FOXP2: variants seen among roughly 807,000 people sequenced by gnomAD.
FOXP2 encodes forkhead box P2, also known as forkhead box protein P2.
FOXP2 carries 12 observed loss-of-function variants against 115.8 expected under a neutral mutation model. The ratio of observed to expected loss-of-function variants is 0.10; its 90% CI spans 0.07 to 0.17. The LOEUF (loss-of-function observed/expected upper bound fraction) is 0.17. Ranked by LOEUF, FOXP2 falls within the 10% of genes least tolerant of loss-of-function variation. The pLI is 1.00. For missense variants in FOXP2, 629 were observed against 843.5 expected, an observed-to-expected ratio of 0.75 and a Z score of 3.15; for synonymous variants, 328 against 297.7, an observed-to-expected ratio of 1.10 and a Z score of -1.05.
intron 3 of FOXP2, among the ~76,000 whole-genome samples, chr7:114,540,081 G>T (rs938141183): frequency 2.6e-5 from 4 of 151,924 alleles, no homozygotes; most frequent in African/African-American, 9.7e-5. Flanking sequence ...CAGGAAATTG[G>T]TATTTAATTC....
intron 1 of FOXP2, among the ~76,000 whole-genome samples, chr7:114,111,715 A>T (rs1791272175): frequency 6.6e-6 from 1 of 152,074 alleles, no homozygotes. Flanking sequence ...ATTTAAAAAA[A>T]TATATCCTGG....
chr7:114,519,113 A>G (rs1163206839), intron 2 of FOXP2, among the ~76,000 whole-genome samples: 1 of 152,260 alleles, frequency 6.6e-6, no homozygotes, highest in Admixed American at 6.5e-5. Context: ...TTCTTGTCTC[A>G]TGTTTCCAAG....
intron 2 of FOXP2, among the ~76,000 whole-genome samples, chr7:114,484,198 A>G (rs1460283021): frequency 1.3e-5 from 2 of 151,768 alleles, no homozygotes; most frequent in Non-Finnish European, 3.0e-5. Flanking sequence ...TTGCAGTGAC[A>G]TTTTTTAAGT....
intron 2 of FOXP2, among the ~76,000 whole-genome samples, chr7:114,351,426 A>G (rs1309940049): frequency 6.6e-6 from 1 of 152,166 alleles, no homozygotes; most frequent in Non-Finnish European, 1.5e-5. Flanking sequence ...ATTATATAAT[A>G]TTCTTTGAAT....
intron 3 of FOXP2, among the ~76,000 whole-genome samples, chr7:114,537,417 A>C (rs1584867346): frequency 1.3e-5 from 2 of 151,640 alleles, no homozygotes; most frequent in East Asian, 3.9e-4. Flanking sequence ...TTTGATAGAG[A>C]ACTATTTTAT....
intron 1 of FOXP2, among the ~76,000 whole-genome samples, chr7:114,115,692 G>T (rs1791389207): frequency 6.6e-6 from 1 of 151,928 alleles, no homozygotes; most frequent in Non-Finnish European, 1.5e-5. Context: ...CTATGCTATG[G>T]GTTCTCATAA....
chr7:114,469,371 C>G (rs950468010), intron 2 of FOXP2, among the ~76,000 whole-genome samples: 2 of 152,116 alleles, frequency 1.3e-5, no homozygotes, highest in Non-Finnish European at 2.9e-5. Flanking sequence ...TGCAAAACTT[C>G]TTTTTTGGGT....
rs192272516 is a variant in FOXP2, at chr7:114,692,228, G to A, written c.*2302G>A. ...AACTGCGAGAGTTGTACCATCAGAAGGGTGGCCTAAGACTACAATGCTAAA... is the reference window on the plus strand; with the variant it reads ...AACTGCGAGAGTTGTACCATCAGAAAGGTGGCCTAAGACTACAATGCTAAA... On this transcript the variant is annotated 3_prime_UTR_variant, in exon 17 of 17. Coordinates refer to ENST00000350908, the MANE Select transcript of FOXP2 (RefSeq NM_014491.4). 73 of 453,896 alleles carry A rather than the reference G, an allele frequency of 1.6e-4. No individual in the cohort carries two copies. Among genetic ancestry groups the A allele is most frequent in the Middle Eastern group, 6.9e-4 (1 of 1,440 alleles). 28.1% of individuals were successfully genotyped at this position (453,896 alleles called of 1,614,324 possible).
chr7:114,196,483 A>T (rs1387604924), intron 1 of FOXP2, among the ~76,000 whole-genome samples: 2 of 152,248 alleles, frequency 1.3e-5, no homozygotes, highest in Non-Finnish European at 2.9e-5. Flanking sequence ...AGAAAAATTT[A>T]AAACTTCCTT....
intron 1 of FOXP2, among the ~76,000 whole-genome samples, chr7:114,105,793 C>T (rs1284336324): frequency 1.3e-5 from 2 of 152,028 alleles, no homozygotes; most frequent in East Asian, 3.9e-4. Context: ...ATCTTCTCTG[C>T]AGATAAGAAA....
chr7:114,255,882 C>T lies in FOXP2; in HGVS notation c.-101-32137C>T, dbSNP rs113085959. ...CAGAAATCACCCATCTTCTGCATTG[C>T]TCACGCTAGGAGCTGTAGACTGGAG... is the stretch of plus-strand genomic sequence containing the variant. On this transcript the variant is annotated intron_variant, in intron 1 of 17. Coordinates refer to the FOXP2 transcript ENST00000634411. Among the ~76,000 whole-genome samples the T allele has an allele frequency of 1.1e-3, 168 of 152,278 alleles. 1 individual carries two copies. Among genetic ancestry groups the T allele is most frequent in the African/African-American group, 3.8e-3 (158 of 41,570 alleles).
At chr7:114,575,104 A>C (rs963797352) in intron 3 of FOXP2, among the ~76,000 whole-genome samples, 1 of 151,812 alleles carries the variant, frequency 6.6e-6, no homozygotes, top group Non-Finnish European at 1.5e-5. Flanking sequence ...ATCCTACACA[A>C]CACCAAATAA....
At chr7:114,408,563 C>G (rs759458434) in intron 2 of FOXP2, among the ~76,000 whole-genome samples, 1 of 151,816 alleles carries the variant, frequency 6.6e-6, no homozygotes, top group Non-Finnish European at 1.5e-5. Flanking sequence ...CCTGTCTCTA[C>G]GAAAAATACA....
chr7:114,182,552 T>C (rs1156599398), intron 1 of FOXP2, among the ~76,000 whole-genome samples: 4 of 152,016 alleles, frequency 2.6e-5, no homozygotes, highest in Admixed American at 1.3e-4. Flanking sequence ...GAAGGACATA[T>C]TCTTATTAAC....
chr7:114,481,327 T>G (rs1796527205), intron 2 of FOXP2, among the ~76,000 whole-genome samples: 3 of 151,456 alleles, frequency 2.0e-5, no homozygotes, highest in Admixed American at 1.3e-4. Context: ...GGTTATATTT[T>G]AATTTATTTT....
intron 1 of FOXP2, among the ~76,000 whole-genome samples, chr7:114,107,704 T>C (rs1361283114): frequency 6.6e-6 from 1 of 151,976 alleles, no homozygotes; most frequent in Non-Finnish European, 1.5e-5. Flanking sequence ...AAGCACATGC[T>C]TAAAAAGTGG....
chr7:114,383,857 G>A (rs1385309559), intron 2 of FOXP2, among the ~76,000 whole-genome samples: 2 of 152,094 alleles, frequency 1.3e-5, no homozygotes, highest in Admixed American at 1.3e-4. Flanking sequence ...GTCCTAGAGC[G>A]TCCTCTAAGG....
At position 114,664,068 on chromosome 7, in the gene FOXP2, G is replaced by A. The variant is rs139617922; in HGVS notation, c.1840-205G>A. Among the ~76,000 whole-genome samples, 1,207 of 152,214 alleles carry A rather than the reference G, an allele frequency of 7.9e-3. 5 individuals are homozygous for A. The highest frequency in any genetic ancestry group is 0.012 in the Non-Finnish European group (813 of 68,002). On this transcript the variant is annotated intron_variant, in intron 15 of 16. Transcript: ENST00000350908. ...GAGTGAGAAAGTTTGCTGCAAGGAC[G>A]ATTGTTTATATTTTCACATCGCACT...
chr7:114,666,752 A>G (rs769003575), intron 16 of FOXP2: 5 of 152,172 alleles, frequency 3.3e-5, no homozygotes, highest in Non-Finnish European at 7.3e-5. Context: ...CAGGGTTCCA[A>G]TTCCAGATTC....
Sources: gnomAD v4.1 joint callset for allele counts (sites outside exome capture counted in the v4.1 genomes callset) on GRCh38, gnomAD v4.1.1 for gene constraint, MANE v1.5 for transcripts, NCBI Gene and HGNC (gene_info 2026-07-23, HGNC 2026-07-21) for gene names.